The following MTHFD1L variants were observed in gnomAD, a reference collection of about 807,000 sequenced individuals.
The protein encoded by MTHFD1L is monofunctional C1-tetrahydrofolate synthase, mitochondrial.
A neutral mutation model predicts 119.5 loss-of-function variants in MTHFD1L; 81 were observed. The ratio of observed to expected loss-of-function variants is 0.68; its 90% CI spans 0.57 to 0.82. MTHFD1L has a LOEUF of 0.82. Among genes scored for constraint, MTHFD1L ranks in the 40% least tolerant of loss-of-function variants. The pLI, the probability that MTHFD1L is intolerant of heterozygous loss-of-function variation, is 0.00. For synonymous variants in MTHFD1L, 430 were observed against 475.2 expected, an observed-to-expected ratio of 0.90 and a Z score of 1.24; for missense variants, 1,125 against 1,253.4, an observed-to-expected ratio of 0.90 and a Z score of 1.55.
At position 151,000,710 on chromosome 6, in the gene MTHFD1L, A is replaced by G. The variant is rs537850021; in HGVS notation, c.2126-9109A>G. 3.9e-5 allele frequency among the ~76,000 whole-genome samples: 6 copies of G among 152,304 alleles called. No homozygotes were observed. In the South Asian group the frequency reaches 1.0e-3, roughly 26 times the overall value. Reference sequence around the variant, plus strand: ...TCCTCACTTTCTCCCCTTTAATTCAAGTTCAGAATTCATGTGTTGCTGTGA... The same window carrying G: ...TCCTCACTTTCTCCCCTTTAATTCAGGTTCAGAATTCATGTGTTGCTGTGA... On this transcript the variant is annotated intron_variant, in intron 20 of 27. Transcript: ENST00000367321.
chr6:150,879,503 G>A (rs1239684630), intron 4 of MTHFD1L, among the ~76,000 whole-genome samples: 2 of 151,792 alleles, frequency 1.3e-5, no homozygotes, highest in East Asian at 1.9e-4. Context: ...TGACCAGGCT[G>A]GTCTTGAACT....
intron 22 of MTHFD1L, among the ~76,000 whole-genome samples, chr6:151,014,552 T>C (rs1016080715): frequency 6.6e-6 from 1 of 152,198 alleles, no homozygotes; most frequent in African/African-American, 2.4e-5. Flanking sequence ...GAGCCAGGAA[T>C]ACCTGGTCAG....
At chr6:150,872,937 C>G (rs1328249753) in intron 1 of MTHFD1L, among the ~76,000 whole-genome samples, 1 of 151,684 alleles carries the variant, frequency 6.6e-6, no homozygotes, top group African/African-American at 2.4e-5. Context: ...GCTGGGATTA[C>G]AGGCATGAGC....
chr6:150,998,099 G>A (rs527851717), intron 20 of MTHFD1L, among the ~76,000 whole-genome samples: 1 of 152,286 alleles, frequency 6.6e-6, no homozygotes, highest in East Asian at 1.9e-4. Context: ...TTGTGAAACA[G>A]TGCTACTTTC....
At chr6:150,891,424 T>TA (rs1783250602) in intron 7 of MTHFD1L, among the ~76,000 whole-genome samples, 1 of 149,028 alleles carries the variant, frequency 6.7e-6, no homozygotes, top group African/African-American at 2.4e-5. Flanking sequence ...TACATACATA[T>TA]AATATGTATT....
intron 26 of MTHFD1L, among the ~76,000 whole-genome samples, chr6:151,038,658 T>C (rs1786581426): frequency 6.6e-6 from 1 of 152,198 alleles, no homozygotes; most frequent in African/African-American, 2.4e-5. Context: ...ATATGGAGAA[T>C]GTTTAGTGAA....
chr6:151,082,578 A>ATT (rs10715175), intron 26 of MTHFD1L, among the ~76,000 whole-genome samples: 1 of 149,902 alleles, frequency 6.7e-6, no homozygotes, highest in African/African-American at 2.4e-5. Context: ...GATATAGAAG[A>ATT]TTTTTTTTTT....
intron 26 of MTHFD1L, among the ~76,000 whole-genome samples, chr6:151,059,325 C>A (rs1053108780): frequency 1.3e-5 from 2 of 151,964 alleles, no homozygotes; most frequent in African/African-American, 4.8e-5. Context: ...ATTTTCCTGC[C>A]TGCGCCACCA....
intron 7 of MTHFD1L, among the ~76,000 whole-genome samples, chr6:150,889,172 G>A (rs1406284588): frequency 7.6e-5 from 7 of 92,670 alleles, no homozygotes; most frequent in East Asian, 5.4e-4. Flanking sequence ...GTGAGACTCC[G>A]TCTCAAAAAA....
intron 11 of MTHFD1L, chr6:150,935,623 A>G (rs1477776482): frequency 3.1e-6 from 4 of 1,272,520 alleles, no homozygotes; most frequent in Non-Finnish European, 4.4e-6. Flanking sequence ...GATTTTGACA[A>G]ATAGAAGAGT....
At position 150,936,810 on chromosome 6, in the gene MTHFD1L, A is replaced by G. The variant is rs1562412676; in HGVS notation, c.1263A>G (p.Thr421=). 1 of 1,613,624 alleles carries G rather than the reference A, an allele frequency of 6.2e-7. No individual in the cohort carries two copies. Residue 421 remains threonine (T), a synonymous_variant, in exon 12 of 28, where the codon ACA becomes ACG. Coordinates refer to ENST00000367321, the MANE Select transcript of MTHFD1L (RefSeq NM_015440.5). The stretch of plus-strand genomic sequence containing the variant: ...TTTCTCCCCCCGAACTCAGGATCAC[A>G]CCCACCCCTCTTGGAGAAGGGAAGA... ...DGKYVLVAGI[T]PTPLGEGKST...
intron 19 of MTHFD1L, among the ~76,000 whole-genome samples, chr6:150,971,261 A>G (rs1797962924): frequency 6.6e-6 from 1 of 151,996 alleles, no homozygotes; most frequent in Non-Finnish European, 1.5e-5. Context: ...CAGTGGTGCG[A>G]TCTCAGCTCA....
At chr6:150,958,272 A>AT (rs1399275691) in intron 17 of MTHFD1L, among the ~76,000 whole-genome samples, 1 of 152,148 alleles carries the variant, frequency 6.6e-6, no homozygotes, top group Non-Finnish European at 1.5e-5. Flanking sequence ...CTGTATCTTC[A>AT]TTTTTAATGA....
In MTHFD1L at chr6:150,877,783, A is replaced by C; in HGVS notation, c.374A>C (p.Asn125Thr). ...GTGTTCCTTTTTCAGGCTGGTCTGAACATCACTCACATTTGCCTCCCTCCA... is the reference window on the plus strand; with the variant it reads ...GTGTTCCTTTTTCAGGCTGGTCTGACCATCACTCACATTTGCCTCCCTCCA... ...NQNLAEEAGLNITHICLPPDS... is the reference protein window; with the variant it reads ...NQNLAEEAGLTITHICLPPDS... The change falls in exon 4 of 28, where the codon AAC (asparagine) becomes ACC (threonine). Residue 125 changes from asparagine (N) to threonine (T), a missense_variant. Coordinates refer to ENST00000367321, the MANE Select transcript of MTHFD1L (RefSeq NM_015440.5). The C allele has an allele frequency of 6.2e-7, 1 of 1,614,242 alleles. No individual in the cohort carries two copies. The highest frequency in any genetic ancestry group is 8.5e-7 in the Non-Finnish European group (1 of 1,180,044).
intron 26 of MTHFD1L, among the ~76,000 whole-genome samples, chr6:151,060,543 T>TG (rs1790491273): frequency 6.6e-6 from 1 of 151,896 alleles, no homozygotes; most frequent in South Asian, 2.1e-4. Flanking sequence ...GCAGATGCCA[T>TG]GGGGGGCTGG....
intron 22 of MTHFD1L, among the ~76,000 whole-genome samples, chr6:151,014,370 G>T (rs1562539213): frequency 6.6e-6 from 1 of 152,186 alleles, no homozygotes; most frequent in Non-Finnish European, 1.5e-5. Flanking sequence ...GGAACTCAAG[G>T]TCTCCAGGTC....
At chr6:150,932,497 C>T (rs368607975) in intron 11 of MTHFD1L, among the ~76,000 whole-genome samples, 18 of 152,122 alleles carry the variant, frequency 1.2e-4, no homozygotes, top group African/African-American at 3.6e-4. Flanking sequence ...GAGGGCTGGG[C>T]GTGGTGGCTC....
At chr6:151,063,117 A>G (rs1790839504) in intron 26 of MTHFD1L, among the ~76,000 whole-genome samples, 1 of 152,146 alleles carries the variant, frequency 6.6e-6, no homozygotes, top group South Asian at 2.1e-4. Context: ...TTGGATGCCT[A>G]AAGAACTGAC....
At chr6:150,884,652 A>G (rs1436050450) in intron 5 of MTHFD1L, among the ~76,000 whole-genome samples, 2 of 152,140 alleles carry the variant, frequency 1.3e-5, no homozygotes, top group African/African-American at 2.4e-5. Context: ...AAACAAAAAC[A>G]ACAGAGAGTA....
Sources: allele counts gnomAD v4.1 joint callset (sites outside exome capture counted in the v4.1 genomes callset), GRCh38; gene constraint gnomAD v4.1.1; transcripts MANE v1.5; gene names NCBI Gene and HGNC (gene_info 2026-07-23, HGNC 2026-07-21).